The following TDRD3 variants were observed in gnomAD, a reference collection of about 807,000 sequenced individuals.
The protein encoded by TDRD3 is tudor domain containing 3, also known as tudor domain-containing protein 3.
A neutral mutation model predicts 86.7 loss-of-function variants in TDRD3; 45 were observed. The ratio of observed to expected loss-of-function variants is 0.52; its 90% CI spans 0.41 to 0.67. TDRD3 has a LOEUF of 0.67. Ranked by LOEUF, TDRD3 falls within the 30% of genes least tolerant of loss-of-function variation. The probability of loss-of-function intolerance (pLI) is 0.00; values close to 1 mark genes in which losing one functional copy is unlikely to be tolerated. For synonymous variants in TDRD3, 298 were observed against 301.7 expected, an observed-to-expected ratio of 0.99 and a Z score of 0.13; for missense variants, 814 against 889.0, an observed-to-expected ratio of 0.92 and a Z score of 1.07.
chr13:60,535,132 C>T lies in TDRD3; in HGVS notation c.2017C>T (p.Leu673Phe). 6.2e-7 allele frequency: 1 copy of T among 1,613,768 alleles called. No individual in the cohort carries two copies. The highest frequency in any genetic ancestry group is 2.2e-5 in the East Asian group (1 of 44,858). ...GTTTTACCGGGCAGAAGTTGAAGCC[C>T]TCCATTCTTCGGGTATGACAGCAGT... ...NKFYRAEVEA[L>F]HSSGMTAVVK... The change falls in exon 12 of 14, where the codon CTC becomes TTC. Residue 673 changes from leucine to phenylalanine, a missense_variant. Leu to Phe is a conservative substitution (Grantham distance 22). Transcript: ENST00000377881.
rs201326973 is a variant in TDRD3, at chr13:60,509,884, A to G, written c.980A>G (p.Asn327Ser). 6.8e-5 allele frequency: 109 copies of G among 1,613,630 alleles called. No individual in the cohort carries two copies. The highest frequency in any genetic ancestry group is 1.6e-4 in the Middle Eastern group (1 of 6,082). ...EAALNVLLTS[N>S]KQKPVMGPPL... ...GCACTGAACGTACTTCTTACAAGCA[A>G]TAAACAGAAACCTGTTATGGGTCCT... Residue 327 changes from asparagine (N) to serine (S), a missense_variant, in exon 9 of 14, where the codon AAT (asparagine) becomes AGT (serine). By Grantham distance (46) the Asn-to-Ser change is conservative (BLOSUM62 1). Coordinates refer to ENST00000377881, the MANE Select transcript of TDRD3 (RefSeq NM_001146070.2).
At chr13:60,444,169 G>A (rs1424529207) in intron 2 of TDRD3, among the ~76,000 whole-genome samples, 1 of 151,860 alleles carries the variant, frequency 6.6e-6, no homozygotes, top group Non-Finnish European at 1.5e-5. Context: ...CTATAGTAAA[G>A]GTTACTATAA....
At chr13:60,544,454 AAAAAAG>A (rs1421823851) in intron 12 of TDRD3, among the ~76,000 whole-genome samples, 1 of 151,424 alleles carries the variant, frequency 6.6e-6, no homozygotes, top group African/African-American at 2.4e-5. Flanking sequence ...AAAAAAAAAA[AAAAAAG>A]AAAGAAAGAA....
At chr13:60,511,846 A>G (rs889383341) in intron 10 of TDRD3, among the ~76,000 whole-genome samples, 5 of 152,050 alleles carry the variant, frequency 3.3e-5, no homozygotes, top group African/African-American at 4.8e-5. Flanking sequence ...GGCAATTTAC[A>G]TATTGTTTGC....
intron 3 of TDRD3, among the ~76,000 whole-genome samples, chr13:60,449,182 G>A (rs1244548528): frequency 1.3e-5 from 2 of 151,930 alleles, no homozygotes; most frequent in African/African-American, 4.8e-5. Flanking sequence ...AAAAGAAAAG[G>A]AATTGAAAAA....
chr13:60,480,828 G>A (rs1469134777), intron 5 of TDRD3, among the ~76,000 whole-genome samples: 2 of 152,060 alleles, frequency 1.3e-5, no homozygotes, highest in African/African-American at 4.8e-5. Flanking sequence ...TGCTGCAAGC[G>A]AGGGGGCCAC....
intron 3 of TDRD3, among the ~76,000 whole-genome samples, chr13:60,459,608 T>C (rs996156444): frequency 1.1e-4 from 17 of 152,224 alleles, no homozygotes; most frequent in African/African-American, 4.1e-4. Flanking sequence ...TTGATGTCTC[T>C]GAACAGAAAA....
intron 12 of TDRD3, among the ~76,000 whole-genome samples, chr13:60,538,860 T>C (rs538511340): frequency 2.2e-4 from 33 of 152,200 alleles, no homozygotes; most frequent in African/African-American, 7.5e-4. Flanking sequence ...TGGGAAAACA[T>C]TGTTGGGTCC....
intron 13 of TDRD3, among the ~76,000 whole-genome samples, chr13:60,573,025 T>C (rs1958623605): frequency 6.6e-6 from 1 of 152,212 alleles, no homozygotes; most frequent in Admixed American, 6.5e-5. Flanking sequence ...CACTAGTCCC[T>C]GCCTAAGCAC....
intron 4 of TDRD3, among the ~76,000 whole-genome samples, chr13:60,465,558 T>C (rs139958389): frequency 0.045 from 6,781 of 152,272 alleles, 208 homozygotes; most frequent in Non-Finnish European, 0.064. Flanking sequence ...TTTATTGAGA[T>C]AGCATTGGTG....
intron 1 of TDRD3, among the ~76,000 whole-genome samples, chr13:60,417,240 C>T (rs1305175138): frequency 6.6e-6 from 1 of 151,988 alleles, no homozygotes; most frequent in Non-Finnish European, 1.5e-5. Context: ...GTCTGAAACT[C>T]CTGGCCTCAA....
chr13:60,463,003 A>G (rs555929385), intron 4 of TDRD3, among the ~76,000 whole-genome samples: 12 of 152,198 alleles, frequency 7.9e-5, no homozygotes, highest in Non-Finnish European at 1.6e-4. Context: ...AGGCATCAAG[A>G]ACATACATTG....
At position 60,448,308 on chromosome 13, in the gene TDRD3, G is replaced by A. The variant is rs78977794; in HGVS notation, c.192+3560G>A. Reference sequence around the variant, plus strand: ...ACGCATCAGAGGCCTTCAGAAAGGCGTCGTCCTGAAGCTTTGAAACTGAAG... The same window carrying A: ...ACGCATCAGAGGCCTTCAGAAAGGCATCGTCCTGAAGCTTTGAAACTGAAG... On this transcript the variant is annotated intron_variant, in intron 3 of 13. Coordinates refer to ENST00000377881, the MANE Select transcript of TDRD3 (RefSeq NM_001146070.2). Among the ~76,000 whole-genome samples, 12 of 152,230 alleles carry A rather than the reference G, an allele frequency of 7.9e-5. No individual in the cohort carries two copies. The East Asian group carries it at 2.1e-3, about 27-fold the overall frequency.
chr13:60,523,617 C>G (rs1481668824), intron 10 of TDRD3, among the ~76,000 whole-genome samples: 1 of 145,682 alleles, frequency 6.9e-6, no homozygotes, highest in Non-Finnish European at 1.5e-5. Flanking sequence ...TGCTCTGTCA[C>G]CCAGGCTAGA....
intron 10 of TDRD3, among the ~76,000 whole-genome samples, chr13:60,523,581 T>C (rs916809280): frequency 4.9e-5 from 7 of 144,028 alleles, no homozygotes; most frequent in Non-Finnish European, 1.1e-4. Context: ...TTCTTTTTTT[T>C]TTTTTTTTTT....
At chr13:60,529,270 A>G in intron 11 of TDRD3, 53 bp downstream of exon 11, 1 of 1,502,264 alleles carries the variant, frequency 6.7e-7, no homozygotes, top group Non-Finnish European at 8.9e-7. Flanking sequence ...GTAACATTCT[A>G]GTGGGACTTT....
At chr13:60,510,068 A>G in intron 9 of TDRD3, 149 bp downstream of exon 9, 2 of 884,210 alleles carry the variant, frequency 2.3e-6, no homozygotes, top group Non-Finnish European at 3.3e-6. Context: ...AACCATAGAG[A>G]CATTTGTAGT....
At chr13:60,496,343 A>ATATC (rs1339973715) in intron 8 of TDRD3, among the ~76,000 whole-genome samples, 33 of 91,550 alleles carry the variant, frequency 3.6e-4, no homozygotes, top group Non-Finnish European at 4.7e-4. Context: ...ATATATATAT[A>ATATC]TCCTCTAAAG....
chr13:60,400,414 C>T (rs962877182), intron 1 of TDRD3, among the ~76,000 whole-genome samples: 3 of 152,114 alleles, frequency 2.0e-5, no homozygotes, highest in Non-Finnish European at 2.9e-5. Flanking sequence ...AAACCTGTCA[C>T]GGGGTACCTA....
Sources: allele counts gnomAD v4.1 joint callset (sites outside exome capture counted in the v4.1 genomes callset), GRCh38; gene constraint gnomAD v4.1.1; transcripts MANE v1.5; gene names NCBI Gene and HGNC (gene_info 2026-07-23, HGNC 2026-07-21).